Variants in MACF1 observed in about 807,000 individuals in gnomAD.
The protein encoded by MACF1 is microtubule-actin cross-linking factor 1.
In MACF1, 193 loss-of-function variants were observed where a neutral mutation model predicts 854.8. The ratio of observed to expected loss-of-function variants is 0.23; its 90% CI spans 0.20 to 0.25. The LOEUF (loss-of-function observed/expected upper bound fraction) is 0.25. Among genes scored for constraint, MACF1 ranks in the 10% least tolerant of loss-of-function variants. MACF1 has a pLI of 1.00. For synonymous variants in MACF1, 3,185 were observed against 3,226.7 expected, an observed-to-expected ratio of 0.99 and a Z score of 0.44; for missense variants, 7,722 against 8,929.1, an observed-to-expected ratio of 0.86 and a Z score of 5.45.
intron 1 of MACF1, among the ~76,000 whole-genome samples, chr1:39,214,319 C>T (rs1644550308): frequency 6.6e-6 from 1 of 152,168 alleles, no homozygotes; most frequent in African/African-American, 2.4e-5. Flanking sequence ...AGGGCTGGGC[C>T]AGCTGAATGA....
chr1:39,115,525 C>T (rs1382788582), intron 2 of MACF1, among the ~76,000 whole-genome samples: 1 of 151,950 alleles, frequency 6.6e-6, no homozygotes, highest in Non-Finnish European at 1.5e-5. Flanking sequence ...TGATGGTCCA[C>T]GAGAAGATAC....
At chr1:39,319,639 A>G (rs777753348) in intron 30 of MACF1, 25 bp from the exon 31 acceptor site, 2 of 1,497,176 alleles carry the variant, frequency 1.3e-6, no homozygotes, top group African/African-American at 2.8e-5. Flanking sequence ...TGGCAATGAT[A>G]ATGTTGTGAT....
chr1:39,284,952 T>C, intron 11 of MACF1, 131 bp from the exon 12 acceptor site: 1 of 1,254,294 alleles, frequency 8.0e-7, no homozygotes, highest in East Asian at 2.3e-5. Context: ...TGATTGTTTT[T>C]CCATGTTAGA....
Position 39,480,954 on chromosome 1 carries a change from C to T in MACF1, c.22205C>T (p.Pro7402Leu), listed in dbSNP as rs1208138705. The T allele has an allele frequency of 1.9e-6, 3 of 1,550,734 alleles. No individual in the cohort carries two copies. Among genetic ancestry groups the T allele is most frequent in the African/African-American group, 1.4e-5 (1 of 73,010 alleles). Residue 7402 changes from proline to leucine, a missense_variant, in exon 99 of 101, where the codon CCC (proline) becomes CTC (leucine). Coordinates refer to ENST00000564288, the MANE Select transcript of MACF1 (RefSeq NM_001394062.1). ...CAGTTCTCTCGCTGTTATGACAAACCCTGGTTGGTAAACAGTAAAGCTGGC... is the reference window on the plus strand; with the variant it reads ...CAGTTCTCTCGCTGTTATGACAAACTCTGGTTGGTAAACAGTAAAGCTGGC... ...SLQFSRCYDKPWLVNSKAGTP... is the reference protein window; with the variant it reads ...SLQFSRCYDKLWLVNSKAGTP...
In MACF1 at chr1:39,295,288, A is replaced by G; in HGVS notation, c.2259+138A>G. On this transcript the variant is annotated intron_variant, in intron 19 of 100. Transcript: ENST00000564288. ...TTTGTCTTGGGTCTTCTCTCTTTTC[A>G]TTCCTGACTGTTCCTATGTCCCTCA... 3 of 689,908 alleles carry G rather than the reference A, an allele frequency of 4.3e-6. 1 individual carries two copies. In the South Asian group the frequency reaches 5.6e-5, roughly 13 times the overall value. The allele number at this position is 689,908 out of a possible 1,614,324, so 42.7% of individuals were successfully genotyped here.
chr1:39,111,654 T>C (rs1642409545), intron 2 of MACF1, among the ~76,000 whole-genome samples: 1 of 152,172 alleles, frequency 6.6e-6, no homozygotes, highest in East Asian at 1.9e-4. Flanking sequence ...GTGCTGGGAT[T>C]ACAGGCGTGA....
At chr1:39,280,089 C>T (rs750093714) in intron 6 of MACF1, among the ~76,000 whole-genome samples, 4 of 151,934 alleles carry the variant, frequency 2.6e-5, no homozygotes, top group Non-Finnish European at 2.9e-5. Context: ...GACAGAGTCC[C>T]GCTCTGTCAC....
Position 39,176,109 on chromosome 1 carries a change from C to CAA in MACF1, c.221-55056_221-55055dup, listed in dbSNP as rs773763271. 4.4e-3 allele frequency among the ~76,000 whole-genome samples: 59 copies of CAA among 13,346 alleles called. 12 individuals carry two copies. In the East Asian group the frequency reaches 0.22, roughly 50 times the overall value. The allele number at this position is 13,346 out of a possible 152,430, so 8.8% of individuals were successfully genotyped here. A position where few individuals can be genotyped will look rare whatever the true frequency, so the allele number is the denominator to read the frequency against. Reference sequence around the variant, plus strand: ...TGGGCGACAGAGCGAGACTCCTTCTCAAAAAAAAAAAAAAAAAAGCCAGGT... The same window carrying CAA: ...TGGGCGACAGAGCGAGACTCCTTCTCAAAAAAAAAAAAAAAAAAAAGCCAGGT... On this transcript the variant is annotated intron_variant, in intron 2 of 93. Coordinates refer to the MACF1 transcript ENST00000361689.
intron 2 of MACF1, among the ~76,000 whole-genome samples, chr1:39,132,924 C>G (rs192119018): frequency 2.9e-3 from 446 of 152,340 alleles, no homozygotes; most frequent in Non-Finnish European, 5.1e-3. Context: ...TTGACCTGCA[C>G]TGGTAGAGCC....
intron 6 of MACF1, among the ~76,000 whole-genome samples, chr1:39,263,570 G>T (rs1645189879): frequency 6.6e-6 from 1 of 151,932 alleles, no homozygotes; most frequent in Non-Finnish European, 1.5e-5. Flanking sequence ...AAACATCTCA[G>T]ATACATCCAA....
upstream of MACF1, among the ~76,000 whole-genome samples, chr1:39,201,253 T>A (rs946597592): frequency 2.0e-5 from 3 of 152,258 alleles, no homozygotes; most frequent in Non-Finnish European, 2.9e-5. Flanking sequence ...CTACCCATCA[T>A]TTTGTAGCCA....
intron 66 of MACF1, among the ~76,000 whole-genome samples, chr1:39,431,888 A>G (rs1004112153): frequency 2.0e-5 from 3 of 152,096 alleles, no homozygotes; most frequent in African/African-American, 7.2e-5. Flanking sequence ...AGGTGAAAGG[A>G]TCACTCGCGC....
chr1:39,276,331 C>G (rs528008652), intron 6 of MACF1, among the ~76,000 whole-genome samples: 1 of 152,142 alleles, frequency 6.6e-6, no homozygotes, highest in African/African-American at 2.4e-5. Context: ...CTCAGAACAA[C>G]TCGTCTCATC....
intron 2 of MACF1, among the ~76,000 whole-genome samples, chr1:39,123,433 G>C (rs1436854043): frequency 6.6e-6 from 1 of 151,652 alleles, no homozygotes. Context: ...GTCTCGAACT[G>C]CTGACCTCAG....
At chr1:39,237,461 T>G (rs1033917937) in intron 2 of MACF1, among the ~76,000 whole-genome samples, 2 of 152,248 alleles carry the variant, frequency 1.3e-5, no homozygotes, top group South Asian at 2.1e-4. Flanking sequence ...ACTTGTTACC[T>G]TGAGTAACTA....
At chr1:39,237,410 G>C (rs771288768) in intron 2 of MACF1, among the ~76,000 whole-genome samples, 20 of 152,172 alleles carry the variant, frequency 1.3e-4, no homozygotes, top group Non-Finnish European at 1.9e-4. Flanking sequence ...TACTTTCTCT[G>C]TTAAGTGCTG....
At position 39,283,619 on chromosome 1, in the gene MACF1, A is replaced by G; in HGVS notation, c.915+104A>G. The G allele has an allele frequency of 1.3e-6, 1 of 777,924 alleles. No individual in the cohort carries two copies. The highest frequency in any genetic ancestry group is 1.6e-5 in the South Asian group (1 of 63,186). 48.2% of individuals were successfully genotyped at this position (777,924 alleles called of 1,614,324 possible). On this transcript the variant is annotated intron_variant, in intron 9 of 100. Transcript: ENST00000564288. This position sits in a 1 kb window ranked among gnomAD's most constrained non-coding sequence, Gnocchi z 4.5. ...CACTTATGGTATACTCATGGTATCAAACTATATATCCAGTATCTTTATCAT... is the reference window on the plus strand; with the variant it reads ...CACTTATGGTATACTCATGGTATCAGACTATATATCCAGTATCTTTATCAT...
intron 2 of MACF1, among the ~76,000 whole-genome samples, chr1:39,100,166 G>A (rs556446520): frequency 6.6e-6 from 1 of 152,306 alleles, no homozygotes. Flanking sequence ...AAGAGGCAGA[G>A]GTGTCAGTGA....
chr1:39,422,046 G>C (rs766809809), intron 58 of MACF1, among the ~76,000 whole-genome samples: 2 of 152,020 alleles, frequency 1.3e-5, no homozygotes, highest in Non-Finnish European at 2.9e-5. Context: ...CTGCACTCCA[G>C]CCTGGGCGAC....
Sources: gnomAD v4.1 joint callset for allele counts (sites outside exome capture counted in the v4.1 genomes callset) on GRCh38, gnomAD v4.1.1 for gene constraint, Gnocchi (gnomAD v3.1) non-coding constraint, MANE v1.5 for transcripts, NCBI Gene and HGNC (gene_info 2026-07-23, HGNC 2026-07-21) for gene names.